SH3RF2: variants seen among roughly 807,000 people sequenced by gnomAD.
SH3RF2 encodes the protein SH3 domain containing ring finger 2, also known as E3 ubiquitin-protein ligase SH3RF2.
SH3RF2 carries 43 observed loss-of-function variants against 59.0 expected under a neutral mutation model. That is an observed-to-expected ratio of 0.73 (90% CI 0.57 to 0.94). SH3RF2 has a LOEUF of 0.94. SH3RF2 is among the 40% of genes least tolerant of loss of function. The probability of loss-of-function intolerance (pLI) is 0.00; values close to 1 mark genes in which losing one functional copy is unlikely to be tolerated. For synonymous variants in SH3RF2, 391 were observed against 391.5 expected, an observed-to-expected ratio of 1.00 and a Z score of 0.01; for missense variants, 930 against 940.1, an observed-to-expected ratio of 0.99 and a Z score of 0.14.
intron 2 of SH3RF2, among the ~76,000 whole-genome samples, chr5:145,958,730 G>A (rs1027521413): frequency 3.3e-5 from 5 of 152,072 alleles, no homozygotes; most frequent in African/African-American, 7.3e-5. Context: ...CCTGACTCTC[G>A]GTCCATGCAC....
At chr5:145,943,268 A>G (rs2149939961) in intron 2 of SH3RF2, among the ~76,000 whole-genome samples, 1 of 151,486 alleles carries the variant, frequency 6.6e-6, no homozygotes, top group Admixed American at 6.6e-5. Flanking sequence ...TGCAAAAGGA[A>G]AGGGAGTTCT....
chr5:146,019,740 C>T (rs1277802012), intron 5 of SH3RF2, among the ~76,000 whole-genome samples: 4 of 152,076 alleles, frequency 2.6e-5, no homozygotes, highest in Non-Finnish European at 5.9e-5. Context: ...GAACATGGGA[C>T]GTATTTCCAT....
At chr5:146,036,066 A>C (rs1258237495) in intron 5 of SH3RF2, among the ~76,000 whole-genome samples, 1 of 152,214 alleles carries the variant, frequency 6.6e-6, no homozygotes, top group Non-Finnish European at 1.5e-5. Flanking sequence ...GGATTTAACC[A>C]TAATTACTGC....
intron 4 of SH3RF2, among the ~76,000 whole-genome samples, chr5:146,010,183 C>T (rs2149990588): frequency 6.6e-6 from 1 of 152,290 alleles, no homozygotes; most frequent in East Asian, 1.9e-4. Flanking sequence ...CCAGCTTCAT[C>T]CATGTCCCTA....
At chr5:145,964,203 T>G (rs1478006259) in intron 2 of SH3RF2, among the ~76,000 whole-genome samples, 1 of 151,382 alleles carries the variant, frequency 6.6e-6, no homozygotes, top group Non-Finnish European at 1.5e-5. Flanking sequence ...TTCTTTTCCT[T>G]CCTTCCTTCC....
chr5:146,009,269 A>G (rs1016374760), intron 4 of SH3RF2, among the ~76,000 whole-genome samples: 1 of 152,170 alleles, frequency 6.6e-6, no homozygotes, highest in Non-Finnish European at 1.5e-5. Flanking sequence ...AAGTCCTGCC[A>G]AAGACTTCCT....
chr5:146,011,094 A>G (rs1760872369), intron 4 of SH3RF2, among the ~76,000 whole-genome samples: 3 of 152,318 alleles, frequency 2.0e-5, no homozygotes, highest in South Asian at 4.1e-4. Context: ...AGCTTTCTAC[A>G]TATGGCTAGC....
intron 4 of SH3RF2, among the ~76,000 whole-genome samples, chr5:146,010,405 G>T (rs541745618): frequency 3.7e-4 from 56 of 152,286 alleles, no homozygotes; most frequent in African/African-American, 1.3e-3. Context: ...GTAATGGGAT[G>T]GCTGGGTCAA....
intron 9 of SH3RF2, among the ~76,000 whole-genome samples, chr5:146,076,284 G>A (rs972595885): frequency 1.3e-5 from 2 of 152,096 alleles, no homozygotes; most frequent in African/African-American, 4.8e-5. Context: ...CACAGCTGCC[G>A]ACACCAAGAC....
At chr5:146,036,217 T>C (rs1761930976) in intron 5 of SH3RF2, among the ~76,000 whole-genome samples, 1 of 152,092 alleles carries the variant, frequency 6.6e-6, no homozygotes, top group African/African-American at 2.4e-5. Flanking sequence ...AACTCTGCTT[T>C]GAAAGCAGCA....
intron 2 of SH3RF2, among the ~76,000 whole-genome samples, chr5:145,960,952 G>A (rs927897139): frequency 2.0e-5 from 3 of 152,124 alleles, no homozygotes; most frequent in Non-Finnish European, 4.4e-5. Context: ...ATTCCTCAAA[G>A]AGCTTTCACA....
At chr5:146,064,776 A>AAGGAAAGAAAGG (rs1561773661), downstream of SH3RF2, among the ~76,000 whole-genome samples, 1 of 24,816 alleles carries the variant, frequency 4.0e-5, no homozygotes, top group African/African-American at 1.4e-4. Flanking sequence ...GGAAGGAAGG[A>AAGGAAAGAAAGG]AAGGAAGGAA....
chr5:146,067,690 G>A (rs2150027143), downstream of SH3RF2, among the ~76,000 whole-genome samples: 1 of 152,232 alleles, frequency 6.6e-6, no homozygotes, highest in East Asian at 1.9e-4. Flanking sequence ...CTGACATCCA[G>A]CAGGAGTGTG....
chr5:146,036,975 A>C (rs1761957843), intron 5 of SH3RF2, among the ~76,000 whole-genome samples: 1 of 152,186 alleles, frequency 6.6e-6, no homozygotes, highest in South Asian at 2.1e-4. Flanking sequence ...CCTCAAAGGC[A>C]ATCTGGACTG....
chr5:146,078,493 A>G (rs1391108225), exon 10 of SH3RF2: 1 of 152,226 alleles, frequency 6.6e-6, no homozygotes, highest in East Asian at 1.9e-4. Flanking sequence ...GGAGGAATTC[A>G]TGACAACTGG....
At chr5:145,938,924 T>C (rs138267464) in intron 2 of SH3RF2, among the ~76,000 whole-genome samples, 1 of 152,240 alleles carries the variant, frequency 6.6e-6, no homozygotes, top group Non-Finnish European at 1.5e-5. Context: ...ATAGGAGCTC[T>C]GCAGATGTGT....
At position 146,013,963 on chromosome 5, in the gene SH3RF2, G is replaced by T. The variant is rs775249449; in HGVS notation, c.961G>T (p.Val321Leu). 1.9e-6 allele frequency: 3 copies of T among 1,614,104 alleles called. No homozygotes were observed. Among genetic ancestry groups the T allele is most frequent in the Non-Finnish European group, 2.5e-6 (3 of 1,180,008 alleles). ...MVHSPSGRHM[V>L]EISTPVLISS... ...CCATTCTCCTTCAGGGCGCCATATG[G>T]TAGAGATCAGCACCCCAGTGCTCAT... is the stretch of plus-strand genomic sequence containing the variant. Residue 321 changes from valine to leucine, a missense_variant, in exon 5 of 10, where the codon GTA (valine) becomes TTA (leucine). Val to Leu is a conservative substitution (Grantham distance 32). Transcript: ENST00000359120.
At chr5:145,987,434 C>T (rs534134819) in intron 2 of SH3RF2, among the ~76,000 whole-genome samples, 20 of 152,116 alleles carry the variant, frequency 1.3e-4, no homozygotes, top group South Asian at 2.1e-4. Flanking sequence ...GAACATACAA[C>T]GGAGAAAACA....
At chr5:146,044,177 G>A (rs1278854791) in intron 5 of SH3RF2, among the ~76,000 whole-genome samples, 1 of 149,836 alleles carries the variant, frequency 6.7e-6, no homozygotes, top group Non-Finnish European at 1.5e-5. Flanking sequence ...TTAAGACAGA[G>A]TCTCGCTCTG....
Sources: gnomAD v4.1 joint callset for allele counts (sites outside exome capture counted in the v4.1 genomes callset) on GRCh38, gnomAD v4.1.1 for gene constraint, MANE v1.5 for transcripts, NCBI Gene and HGNC (gene_info 2026-07-23, HGNC 2026-07-21) for gene names.